The following IWS1 variants were observed in gnomAD, a reference collection of about 807,000 sequenced individuals.
IWS1 encodes the protein interacts with SUPT6H, CTD assembly factor 1, also known as protein IWS1 homolog.
In IWS1, 27 loss-of-function variants were observed where a neutral mutation model predicts 86.7. The observed-to-expected ratio is 0.31, with a 90% CI of 0.23 to 0.43. IWS1 has a LOEUF of 0.43. Among genes scored for constraint, IWS1 ranks in the 20% least tolerant of loss-of-function variants. IWS1 has a pLI of 1.00. For missense variants in IWS1, 827 were observed against 1,000.8 expected, an observed-to-expected ratio of 0.83 and a Z score of 2.34; for synonymous variants, 313 against 335.1, an observed-to-expected ratio of 0.93 and a Z score of 0.72.
intron 2 of IWS1, among the ~76,000 whole-genome samples, chr2:127,518,407 T>C (rs1470581871): frequency 6.6e-6 from 1 of 152,064 alleles, no homozygotes; most frequent in Non-Finnish European, 1.5e-5. Flanking sequence ...TCTCAGCTAC[T>C]TGGGAGGCTG....
At chr2:127,523,875 A>C in intron 1 of IWS1, 84 bp from the exon 2 acceptor site, 1 of 928,248 alleles carries the variant, frequency 1.1e-6, no homozygotes, top group Non-Finnish European at 1.7e-6. Flanking sequence ...ATCAAGAATA[A>C]CGTAAGTGCA....
At chr2:127,486,520 G>A in intron 13 of IWS1, 33 bp downstream of exon 13, 1 of 1,413,056 alleles carries the variant, frequency 7.1e-7, no homozygotes, top group Non-Finnish European at 1.0e-6. Context: ...ATCTGCAGGT[G>A]AGATCCACCT....
chr2:127,487,556 C>T (rs1689991175), intron 12 of IWS1, among the ~76,000 whole-genome samples: 1 of 152,096 alleles, frequency 6.6e-6, no homozygotes, highest in African/African-American at 2.4e-5. Context: ...CAGTTTACCC[C>T]ATTTTTAACC....
At chr2:127,503,741 A>T (rs1690948208) in intron 3 of IWS1, among the ~76,000 whole-genome samples, 165 bp from the exon 4 acceptor site, 1 of 152,060 alleles carries the variant, frequency 6.6e-6, no homozygotes, top group Non-Finnish European at 1.5e-5. Flanking sequence ...CACATGGTTT[A>T]GAATTTTTAA....
intron 2 of IWS1, among the ~76,000 whole-genome samples, chr2:127,522,856 G>A (rs544739097): frequency 1.3e-5 from 2 of 152,304 alleles, no homozygotes; most frequent in East Asian, 3.9e-4. Context: ...GAGCAAATAC[G>A]TTAAAATGTA....
intron 2 of IWS1, among the ~76,000 whole-genome samples, chr2:127,522,065 A>G (rs1485217143): frequency 1.3e-5 from 2 of 152,242 alleles, no homozygotes; most frequent in Non-Finnish European, 2.9e-5. Context: ...GAATGTTTAA[A>G]AGCACAGAAA....
chr2:127,503,477 C>T lies in IWS1; in HGVS notation c.1319G>A (p.Ser440Asn). The T allele has an allele frequency of 6.2e-7, 1 of 1,613,476 alleles. No homozygotes were observed. The highest frequency in any genetic ancestry group is 1.1e-5 in the South Asian group (1 of 91,008). Residue 440 changes from serine to asparagine, a missense_variant, in exon 4 of 14, where the codon AGT becomes AAT. This residue lies in a region of IWS1 where 548 missense variants were observed against 560.2 expected (regional missense o/e 0.98). Coordinates refer to ENST00000295321, the MANE Select transcript of IWS1 (RefSeq NM_017969.3). ...CAATTCTTTCCCAGCTTCTTCCTCA[C>T]TGTCAGATGCTATGGTCTTCTCTCT... is the stretch of plus-strand genomic sequence containing the variant. ...GKREKTIASD[S>N]EEEAGKELSD... is the part of the protein sequence containing the mutation.
At chr2:127,518,410 G>A (rs1691892972) in intron 2 of IWS1, among the ~76,000 whole-genome samples, 1 of 152,098 alleles carries the variant, frequency 6.6e-6, no homozygotes, top group South Asian at 2.1e-4. Flanking sequence ...CAGCTACTTG[G>A]GAGGCTGAGG....
upstream of IWS1, chr2:127,526,563 C>A (rs1692433941): frequency 7.1e-7 from 1 of 1,416,758 alleles, no homozygotes; most frequent in Non-Finnish European, 9.4e-7. Flanking sequence ...GACGCAACAG[C>A]AATGACGCCA....
intron 7 of IWS1, among the ~76,000 whole-genome samples, 198 bp downstream of exon 7, chr2:127,495,800 T>C (rs373924105): frequency 6.6e-5 from 10 of 152,252 alleles, no homozygotes; most frequent in African/African-American, 2.4e-4. Flanking sequence ...TTTTACTGAA[T>C]ACCTCATATT....
chr2:127,482,072 A>G (rs985536878), intron 13 of IWS1, among the ~76,000 whole-genome samples: 1 of 152,218 alleles, frequency 6.6e-6, no homozygotes, highest in Admixed American at 6.5e-5. Flanking sequence ...CTCTGTTGTA[A>G]AACAATTCAG....
In IWS1 at chr2:127,505,788, A is replaced by C. The variant is rs74505769; in HGVS notation, c.151-36T>G. 2.5e-6 allele frequency: 1 copy of C among 400,558 alleles called. No individual in the cohort carries two copies. The highest frequency in any genetic ancestry group is 3.5e-6 in the Non-Finnish European group (1 of 287,644). 24.8% of individuals were successfully genotyped at this position (400,558 alleles called of 1,614,324 possible). A position where few individuals can be genotyped will look rare whatever the true frequency, so the allele number is the denominator to read the frequency against. The stretch of plus-strand genomic sequence containing the variant: ...AAGTGAGAAAAAATTAGGAAAGTGC[A>C]AAAAAAAAAAAACCATTAATAATAA... On this transcript the variant is annotated intron_variant, in intron 2 of 13. Coordinates refer to ENST00000295321, the MANE Select transcript of IWS1 (RefSeq NM_017969.3). This position sits in a 1 kb window ranked among gnomAD's most constrained non-coding sequence, Gnocchi z 5.0.
At chr2:127,519,975 C>G (rs575590262) in intron 2 of IWS1, among the ~76,000 whole-genome samples, 1 of 152,232 alleles carries the variant, frequency 6.6e-6, no homozygotes, top group Non-Finnish European at 1.5e-5. Flanking sequence ...TGTATCTTCC[C>G]TCAGAGAAGA....
In IWS1 at chr2:127,480,883, C is replaced by T. The variant is rs907284492; in HGVS notation, c.*161G>A. On this transcript the variant is annotated 3_prime_UTR_variant, in exon 14 of 14. Transcript: ENST00000295321. ...GTATTCCTTTGTACAAAGTACACAA[C>T]GGTTTTAAATATAACTGAGAGAAAT... is the stretch of plus-strand genomic sequence containing the variant. The T allele has an allele frequency of 1.1e-5, 8 of 707,730 alleles. No individual in the cohort carries two copies. The highest frequency in any genetic ancestry group is 2.9e-5 in the East Asian group (1 of 34,900). The allele number at this position is 707,730 out of a possible 1,614,324, so 43.8% of individuals were successfully genotyped here.
intron 12 of IWS1, chr2:127,487,933 T>G (rs1408282422): frequency 1.3e-5 from 2 of 152,334 alleles, no homozygotes; most frequent in Non-Finnish European, 2.9e-5. Flanking sequence ...CTTACTTTCC[T>G]TCTGAAGCCA....
chr2:127,493,504 G>A, intron 8 of IWS1, 94 bp from the exon 9 acceptor site: 1 of 1,156,382 alleles, frequency 8.6e-7, no homozygotes, highest in Non-Finnish European at 1.2e-6. Context: ...TCTAAAAACT[G>A]CTTTTAAAGC....
intron 2 of IWS1, among the ~76,000 whole-genome samples, chr2:127,513,632 T>C (rs983936454): frequency 6.6e-6 from 1 of 152,212 alleles, no homozygotes; most frequent in African/African-American, 2.4e-5. Context: ...TTCTTCTAAA[T>C]CTTGAATTTT....
At chr2:127,512,097 C>T (rs751309124) in intron 2 of IWS1, among the ~76,000 whole-genome samples, 1 of 152,200 alleles carries the variant, frequency 6.6e-6, no homozygotes, top group Non-Finnish European at 1.5e-5. Context: ...CAACATCTTC[C>T]TCAATGTCTC....
At chr2:127,485,667 T>C (rs879708387) in intron 13 of IWS1, among the ~76,000 whole-genome samples, 2 of 152,190 alleles carry the variant, frequency 1.3e-5, no homozygotes, top group Non-Finnish European at 2.9e-5. Flanking sequence ...TATTACTCTC[T>C]AGGATACTGA....
Sources: gnomAD v4.1 joint callset for allele counts (sites outside exome capture counted in the v4.1 genomes callset) on GRCh38, gnomAD v4.1.1 for gene constraint, gnomAD v4.1.1 regional missense constraint, Gnocchi (gnomAD v3.1) non-coding constraint, MANE v1.5 for transcripts, NCBI Gene and HGNC (gene_info 2026-07-23, HGNC 2026-07-21) for gene names.